Variants in INSYN2B observed in about 807,000 individuals in gnomAD.
The protein encoded by INSYN2B is inhibitory synaptic factor family member 2B.
Under a neutral mutation model 41.2 loss-of-function variants are expected in INSYN2B, and 16 were observed. The observed-to-expected ratio is 0.39, with a 90% CI of 0.26 to 0.59. The LOEUF (loss-of-function observed/expected upper bound fraction) is 0.59. INSYN2B is among the 20% of genes least tolerant of loss of function. INSYN2B has a pLI of 0.57. For synonymous variants in INSYN2B, 245 were observed against 244.4 expected (o/e 1.00, Z -0.02); for missense variants, 608 against 646.4 (o/e 0.94, Z 0.64).
chr5:169,918,559 G>A (rs1775001706), intron 1 of INSYN2B, among the ~76,000 whole-genome samples: 2 of 152,214 alleles, frequency 1.3e-5, no homozygotes, highest in African/African-American at 4.8e-5. Flanking sequence ...GACATGTCCT[G>A]AGGGGAAATA....
intron 1 of INSYN2B, among the ~76,000 whole-genome samples, chr5:169,921,144 C>A (rs193130950): frequency 1.5e-4 from 23 of 152,250 alleles, no homozygotes; most frequent in Admixed American, 1.5e-3. Context: ...GGAATGAATG[C>A]AATGTTAGCC....
At chr5:169,933,618 G>A (rs1338087602) in intron 1 of INSYN2B, among the ~76,000 whole-genome samples, 5 of 152,056 alleles carry the variant, frequency 3.3e-5, no homozygotes, top group Admixed American at 2.6e-4. Context: ...TTCTTCCTTC[G>A]TTCGGCCTCC....
chr5:169,896,182 G>GA (rs1392829661), intron 1 of INSYN2B, among the ~76,000 whole-genome samples: 1 of 152,142 alleles, frequency 6.6e-6, no homozygotes, highest in Non-Finnish European at 1.5e-5. Context: ...TGGGGTCGGG[G>GA]GGCGGGGAGG....
At chr5:169,866,232 T>G (rs1292007367) in intron 3 of INSYN2B, among the ~76,000 whole-genome samples, 1 of 152,212 alleles carries the variant, frequency 6.6e-6, no homozygotes, top group Non-Finnish European at 1.5e-5. Flanking sequence ...TCTCTTTCTG[T>G]TCTCTCTGGC....
chr5:169,936,537 G>C (rs572809264), intron 1 of INSYN2B, among the ~76,000 whole-genome samples: 6 of 150,284 alleles, frequency 4.0e-5, no homozygotes, highest in African/African-American at 1.2e-4. Flanking sequence ...TGTGTATTTC[G>C]ATGGGCATGT....
At chr5:169,946,450 C>A (rs1399953199) in intron 1 of INSYN2B, among the ~76,000 whole-genome samples, 1 of 152,186 alleles carries the variant, frequency 6.6e-6, no homozygotes, top group Non-Finnish European at 1.5e-5. Flanking sequence ...GAGGAAAGGG[C>A]AGGAGTGTTT....
chr5:169,891,609 A>C (rs1271027116), intron 1 of INSYN2B, among the ~76,000 whole-genome samples: 2 of 152,200 alleles, frequency 1.3e-5, no homozygotes, highest in Admixed American at 6.5e-5. Flanking sequence ...AAACCTAAAA[A>C]CCACGAAGAC....
intron 1 of INSYN2B, among the ~76,000 whole-genome samples, chr5:169,886,921 G>A (rs148574454): frequency 4.6e-5 from 7 of 152,262 alleles, no homozygotes; most frequent in Non-Finnish European, 1.0e-4. Context: ...CATTGTGATT[G>A]GTATGTTTCA....
intron 1 of INSYN2B, among the ~76,000 whole-genome samples, chr5:169,943,414 C>T (rs1776320414): frequency 6.6e-6 from 1 of 151,922 alleles, no homozygotes; most frequent in Non-Finnish European, 1.5e-5. Context: ...GGAATATGGC[C>T]CAGACTTTTA....
At chr5:169,868,599 AAG>A (rs1396801908) in intron 3 of INSYN2B, among the ~76,000 whole-genome samples, 2 of 152,082 alleles carry the variant, frequency 1.3e-5, no homozygotes, top group Non-Finnish European at 2.9e-5. Context: ...TCTCTACAAA[AAG>A]TAAAAAATTA....
intron 1 of INSYN2B, among the ~76,000 whole-genome samples, chr5:169,940,537 T>G (rs949736031): frequency 1.3e-5 from 2 of 152,290 alleles, no homozygotes; most frequent in Admixed American, 1.3e-4. Context: ...TAATGTAGAA[T>G]CAATGGGAAC....
chr5:169,929,490 A>C (rs902078539), intron 1 of INSYN2B, among the ~76,000 whole-genome samples: 2 of 152,102 alleles, frequency 1.3e-5, no homozygotes, highest in Non-Finnish European at 2.9e-5. Context: ...TCATCCCAGC[A>C]CTTTGGAAGG....
At chr5:169,881,312 C>A in intron 3 of INSYN2B, 56 bp downstream of exon 3, 1 of 1,419,540 alleles carries the variant, frequency 7.0e-7, no homozygotes, top group South Asian at 1.2e-5. Context: ...CTAGAGTGTT[C>A]AGCGGACCCT....
Position 169,949,219 on chromosome 5 carries a change from C to T in INSYN2B, c.-919+31058G>A, listed in dbSNP as rs116671911. 3.1e-3 allele frequency among the ~76,000 whole-genome samples: 476 copies of T among 152,290 alleles called. 3 individuals are homozygous for T. Among genetic ancestry groups the T allele is most frequent in the African/African-American group, 0.011 (463 of 41,562 alleles). On this transcript the variant is annotated intron_variant, in intron 1 of 3. Coordinates refer to ENST00000377365, the MANE Select transcript of INSYN2B (RefSeq NM_001129891.3). ...TTCAACTCCACAAGCATTTGCTGCACGACTACTATGTGCAGAATGTGGTAG... is the reference window on the plus strand; with the variant it reads ...TTCAACTCCACAAGCATTTGCTGCATGACTACTATGTGCAGAATGTGGTAG...
At chr5:169,929,997 T>G (rs563079244) in intron 1 of INSYN2B, among the ~76,000 whole-genome samples, 239 of 152,250 alleles carry the variant, frequency 1.6e-3, no homozygotes, top group Non-Finnish European at 3.0e-3. Flanking sequence ...ATTTATTTAT[T>G]TTGTTTATTT....
intron 1 of INSYN2B, among the ~76,000 whole-genome samples, chr5:169,926,968 C>T (rs985653520): frequency 6.6e-5 from 10 of 152,170 alleles, no homozygotes; most frequent in African/African-American, 2.4e-4. Context: ...AGGCTGGCTA[C>T]TTTAGGTGGG....
chr5:169,920,884 T>C (rs528350664), intron 1 of INSYN2B, among the ~76,000 whole-genome samples: 37 of 152,194 alleles, frequency 2.4e-4, no homozygotes, highest in African/African-American at 7.5e-4. Flanking sequence ...AGCCCAGTAG[T>C]GGGCAGTTGT....
At chr5:169,950,078 A>G (rs1776597971) in intron 1 of INSYN2B, among the ~76,000 whole-genome samples, 2 of 152,162 alleles carry the variant, frequency 1.3e-5, no homozygotes, top group South Asian at 4.1e-4. Flanking sequence ...AAGCATGTTC[A>G]AGCCCATCTG....
chr5:169,874,269 TG>T (rs773687322), intron 3 of INSYN2B, among the ~76,000 whole-genome samples: 1 of 151,814 alleles, frequency 6.6e-6, no homozygotes, highest in Non-Finnish European at 1.5e-5. Context: ...AAAAATTAGC[TG>T]GGTGTGGTGG....
Sources: gnomAD v4.1 joint callset for allele counts (sites outside exome capture counted in the v4.1 genomes callset) on GRCh38, gnomAD v4.1.1 for gene constraint, MANE v1.5 for transcripts, NCBI Gene and HGNC (gene_info 2026-07-23, HGNC 2026-07-21) for gene names.